The following LGALS9 variants were observed in gnomAD, a reference collection of about 807,000 sequenced individuals.
The protein encoded by LGALS9 is galectin 9, also known as galectin-9.
In LGALS9, 26 loss-of-function variants were observed where a neutral mutation model predicts 35.9. The ratio of observed to expected loss-of-function variants is 0.72; its 90% confidence interval spans 0.53 to 1.01. The LOEUF (loss-of-function observed/expected upper bound fraction) is 1.01, where lower values mean the gene tolerates loss of function less well. Among genes scored for constraint, LGALS9 ranks in the 50% least tolerant of loss-of-function variants. LGALS9 has a pLI of 0.00. For missense variants in LGALS9, 347 were observed against 445.8 expected, an observed-to-expected ratio of 0.78 and a Z score of 1.99; for synonymous variants, 149 against 172.2, an observed-to-expected ratio of 0.87 and a Z score of 1.06.
rs533510891 is a variant in LGALS9, at chr17:27,642,832, A to G, written c.444+484A>G. On this transcript the variant is annotated intron_variant, in intron 4 of 10. Transcript: ENST00000395473. ...AGGAGACAGATATCAGAGGTCACAC[A>G]GTGGCCCCCCTGGGCCCACACCAGG... Among the ~76,000 whole-genome samples, 4 of 152,328 alleles carry G rather than the reference A, an allele frequency of 2.6e-5. No homozygotes were observed. In the South Asian group the frequency reaches 8.3e-4, roughly 32 times the overall value.
Position 27,638,090 on chromosome 17 carries a change from T to C in LGALS9, c.40-173T>C, listed in dbSNP as rs1449455344. ...GTAACTAATTGGATTTGTGTTTGCC[T>C]CCACACAGGACCCTAAGACCCGTGG... On this transcript the variant is annotated intron_variant, in intron 1 of 10. Transcript: ENST00000395473. 2.0e-5 allele frequency among the ~76,000 whole-genome samples: 3 copies of C among 151,954 alleles called. No homozygotes were observed. The East Asian group carries it at 5.8e-4, about 29-fold the overall frequency.
Position 27,631,248 on chromosome 17 carries a change from C to T in LGALS9, c.-18C>T, listed in dbSNP as rs1011676110. 15 of 1,614,042 alleles carry T rather than the reference C, an allele frequency of 9.3e-6. No homozygotes were observed. The highest frequency in any genetic ancestry group is 1.3e-5 in the African/African-American group (1 of 74,924). On this transcript the variant is annotated 5_prime_UTR_variant, in exon 1 of 11. Coordinates refer to ENST00000395473, the MANE Select transcript of LGALS9 (RefSeq NM_009587.3). ...AGTGGGTGTGAAAGGCAGCGGTGGC[C>T]ACAGAGGCGGCGGAGAGATGGCCTT...
chr17:27,645,956 C>T (rs1193189857), intron 7 of LGALS9, 45 bp downstream of exon 7: 1 of 1,612,436 alleles, frequency 6.2e-7, no homozygotes, highest in Admixed American at 1.7e-5. Context: ...ACAGTGTCCT[C>T]CTTCACCAAA....
intron 7 of LGALS9, 108 bp from the exon 8 acceptor site, chr17:27,646,439 G>A (rs1171995881): frequency 9.1e-6 from 14 of 1,540,170 alleles, no homozygotes; most frequent in Middle Eastern, 2.3e-4. Context: ...AAAGGCTCAC[G>A]AGGTCAGCCT....
chr17:27,634,543 T>C (rs1385081403), intron 1 of LGALS9, among the ~76,000 whole-genome samples: 3 of 151,716 alleles, frequency 2.0e-5, no homozygotes, highest in African/African-American at 7.3e-5. Context: ...CAGAATGAGA[T>C]CCTGTCTCAA....
At chr17:27,640,994 A>G (rs1466966460) in intron 3 of LGALS9, 2 of 784,822 alleles carry the variant, frequency 2.5e-6, no homozygotes, top group East Asian at 2.7e-5. Flanking sequence ...TACTCTGAAA[A>G]TAAGAACTAG....
intron 5 of LGALS9, chr17:27,643,979 T>G: frequency 9.3e-6 from 2 of 214,868 alleles, no homozygotes. Flanking sequence ...TCACACCCTC[T>G]CCCTGCTTAA....
At chr17:27,631,550 C>G (rs903296049) in intron 1 of LGALS9, among the ~76,000 whole-genome samples, 1 of 152,212 alleles carries the variant, frequency 6.6e-6, no homozygotes, top group Non-Finnish European at 1.5e-5. Context: ...GCTGTCCTGT[C>G]CTGTCCTGTC....
chr17:27,636,526 G>A (rs2074453253), intron 1 of LGALS9, among the ~76,000 whole-genome samples: 1 of 152,198 alleles, frequency 6.6e-6, no homozygotes, highest in Non-Finnish European at 1.5e-5. Context: ...CTGGAGTACA[G>A]TGGTGTGATC....
At chr17:27,642,829 C>T (rs912539198) in intron 4 of LGALS9, among the ~76,000 whole-genome samples, 1 of 152,214 alleles carries the variant, frequency 6.6e-6, no homozygotes, top group African/African-American at 2.4e-5. Context: ...TCAGAGGTCA[C>T]ACAGTGGCCC....
chr17:27,646,926 A>G, intron 8 of LGALS9, 104 bp from the exon 9 acceptor site: 1 of 1,527,236 alleles, frequency 6.5e-7, no homozygotes, highest in Non-Finnish European at 9.0e-7. Flanking sequence ...GGAACCAAGT[A>G]AAGATATCAT....
Position 27,631,254 on chromosome 17 carries a change from G to T in LGALS9, c.-12G>T. The T allele has an allele frequency of 6.2e-7, 1 of 1,614,192 alleles. No individual in the cohort carries two copies. The highest frequency in any genetic ancestry group is 8.5e-7 in the Non-Finnish European group (1 of 1,180,024). ...TGTGAAAGGCAGCGGTGGCCACAGA[G>T]GCGGCGGAGAGATGGCCTTCAGCGG... is the stretch of plus-strand genomic sequence containing the variant. On this transcript the variant is annotated 5_prime_UTR_variant, in exon 1 of 11. In the 5' UTR this introduces an upstream ATG that the reference lacks. Transcript: ENST00000395473.
Position 27,649,165 on chromosome 17 carries a change from C to T in LGALS9, c.*183C>T, listed in dbSNP as rs549253510. ...ACCCTGGAACGGAGAAGGCAGCTGA[C>T]GGGGATTGCCTTCCTCAGCCGCAGC... On this transcript the variant is annotated 3_prime_UTR_variant, in exon 11 of 11. Transcript: ENST00000395473. The T allele has an allele frequency of 4.3e-5, 41 of 943,698 alleles. No individual in the cohort carries two copies. Among genetic ancestry groups the T allele is most frequent in the East Asian group, 1.6e-4 (6 of 37,714 alleles). 58.5% of individuals were successfully genotyped at this position (943,698 alleles called of 1,614,324 possible).
chr17:27,637,809 G>A (rs1306300867), intron 1 of LGALS9, among the ~76,000 whole-genome samples: 1 of 152,156 alleles, frequency 6.6e-6, no homozygotes, highest in Admixed American at 6.5e-5. Flanking sequence ...TTGGTCCCTT[G>A]GGCTTCCTGA....
At position 27,636,635 on chromosome 17, in the gene LGALS9, A is replaced by AT. The variant is rs556073773; in HGVS notation, c.40-1618dup. Among the ~76,000 whole-genome samples the AT allele has an allele frequency of 2.8e-3, 412 of 149,110 alleles. 3 individuals are homozygous for AT. The highest frequency in any genetic ancestry group is 6.0e-3 in the South Asian group (28 of 4,698). ...AAGGTGTGCACCACCACACCTAGCT[A>AT]TTTTTTTTTTATTTTTTGTAGAGAT... is the stretch of plus-strand genomic sequence containing the variant. On this transcript the variant is annotated intron_variant, in intron 1 of 10. Coordinates refer to ENST00000395473, the MANE Select transcript of LGALS9 (RefSeq NM_009587.3).
chr17:27,637,948 T>C (rs2074472306), intron 1 of LGALS9, among the ~76,000 whole-genome samples: 1 of 152,086 alleles, frequency 6.6e-6, no homozygotes, highest in South Asian at 2.1e-4. Context: ...GAAGGCCTTC[T>C]GCCTGGTGCA....
intron 2 of LGALS9, among the ~76,000 whole-genome samples, chr17:27,640,231 G>T (rs571548105): frequency 6.6e-6 from 1 of 152,168 alleles, no homozygotes; most frequent in Non-Finnish European, 1.5e-5. Context: ...GGCACAGAAG[G>T]CTCTCTCTTC....
chr17:27,633,038 C>A (rs1408291156), intron 1 of LGALS9, among the ~76,000 whole-genome samples: 1 of 152,184 alleles, frequency 6.6e-6, no homozygotes, highest in African/African-American at 2.4e-5. Flanking sequence ...CTGGGGGAAG[C>A]TGGAACCACG....
chr17:27,633,711 G>C (rs118159736), intron 1 of LGALS9, among the ~76,000 whole-genome samples: 23 of 152,372 alleles, frequency 1.5e-4, no homozygotes, highest in Non-Finnish European at 8.8e-5. Context: ...TCAATGCAAA[G>C]AGCTGCACTG....
Sources: allele counts gnomAD v4.1 joint callset (sites outside exome capture counted in the v4.1 genomes callset), GRCh38; gene constraint gnomAD v4.1.1; transcripts MANE v1.5; gene names NCBI Gene and HGNC (gene_info 2026-07-23, HGNC 2026-07-21).